PCOLCE2: variants seen among roughly 807,000 people sequenced by gnomAD.
PCOLCE2 encodes the protein procollagen C-proteinase enhancer 2.
A neutral mutation model predicts 47.0 loss-of-function variants in PCOLCE2; 42 were observed. The ratio of observed to expected loss-of-function variants is 0.89; its 90% CI spans 0.70 to 1.16. The LOEUF (loss-of-function observed/expected upper bound fraction) is 1.16, where lower values mean the gene tolerates loss of function less well. PCOLCE2 is among the 50% of genes most tolerant of loss of function. The pLI is 0.00. For synonymous variants in PCOLCE2, 169 were observed against 191.7 expected, an observed-to-expected ratio of 0.88 and a Z score of 0.98; for missense variants, 500 against 526.1, an observed-to-expected ratio of 0.95 and a Z score of 0.49.
In PCOLCE2 at chr3:142,887,669, T is replaced by C; in HGVS notation, c.192A>G (p.Thr64=). Residue 64 remains threonine (T), a splice_region_variant and synonymous_variant, in exon 2 of 9, where the codon ACA becomes ACG. Coordinates refer to ENST00000295992, the MANE Select transcript of PCOLCE2 (RefSeq NM_013363.4). ...PPNSKCTWKI[T]VPEGKVVVLN... ...GAATACCTTTTTAAAAAATGCTTAC[T>C]GTGATTTTCCAAGTACATTTGCTAT... 1 of 1,501,844 alleles carries C rather than the reference T, an allele frequency of 6.7e-7. No individual in the cohort carries two copies. Among genetic ancestry groups the C allele is most frequent in the Non-Finnish European group, 9.3e-7 (1 of 1,077,958 alleles). The allele number at this position is 1,501,844 out of a possible 1,614,324, so 93.0% of individuals were successfully genotyped here.
intron 5 of PCOLCE2, among the ~76,000 whole-genome samples, chr3:142,832,996 A>C (rs1937167081): frequency 6.6e-6 from 1 of 152,216 alleles, no homozygotes; most frequent in South Asian, 2.1e-4. Context: ...GTGATGCTCA[A>C]TAGCCGCCGC....
intron 7 of PCOLCE2, among the ~76,000 whole-genome samples, chr3:142,821,742 T>C (rs1937018079): frequency 6.6e-6 from 1 of 152,074 alleles, no homozygotes. Context: ...GTTGATTTTT[T>C]CATTATGTAA....
chr3:142,819,526 C>A (rs539964593), intron 8 of PCOLCE2, among the ~76,000 whole-genome samples: 174 of 152,290 alleles, frequency 1.1e-3, no homozygotes, highest in Non-Finnish European at 2.0e-3. Context: ...CCTGGCAGTT[C>A]TGGAAAGAAA....
chr3:142,841,330 T>C (rs1937262575), intron 4 of PCOLCE2, among the ~76,000 whole-genome samples: 2 of 152,130 alleles, frequency 1.3e-5, no homozygotes, highest in South Asian at 2.1e-4. Flanking sequence ...AAGAACTCAA[T>C]TGACAGAAGC....
In PCOLCE2 at chr3:142,820,944, G is replaced by C; in HGVS notation, c.1051C>G (p.Gln351Glu). ...IYKEGNLAIQ[Q>E]AGKNMSARLT... The stretch of plus-strand genomic sequence containing the variant: ...CTGGCACTCATGTTCTTGCCCGCCT[G>C]CTGAATCGCCAAATTTCCCTCTTTG... The change falls in exon 8 of 9, where the codon CAG (glutamine) becomes GAG (glutamate). Residue 351 changes from glutamine to glutamate, a missense_variant. By Grantham distance (29) the Gln-to-Glu change is conservative (BLOSUM62 2). Transcript: ENST00000295992. 1 of 1,614,082 alleles carries C rather than the reference G, an allele frequency of 6.2e-7. No individual in the cohort carries two copies. The highest frequency in any genetic ancestry group is 8.5e-7 in the Non-Finnish European group (1 of 1,179,982).
At position 142,817,909 on chromosome 3, in the gene PCOLCE2, A is replaced by G. The variant is rs555281992; in HGVS notation, c.*426T>C. ...ATATTTTATTAAGCATTGATTTAGA[A>G]AACGCAAGACAAGATTGTAACACCT... On this transcript the variant is annotated 3_prime_UTR_variant, in exon 9 of 9. Coordinates refer to ENST00000295992, the MANE Select transcript of PCOLCE2 (RefSeq NM_013363.4). 1.3e-5 allele frequency: 2 copies of G among 156,154 alleles called. No homozygotes were observed. Among genetic ancestry groups the G allele is most frequent in the African/African-American group, 4.8e-5 (2 of 41,598 alleles). 9.7% of individuals were successfully genotyped at this position (156,154 alleles called of 1,614,324 possible).
chr3:142,888,519 G>C (rs1685056659), intron 1 of PCOLCE2: 2 of 348,606 alleles, frequency 5.7e-6, no homozygotes, highest in African/African-American at 2.1e-5. Flanking sequence ...TAGACACGAG[G>C]AGAGGGGAGA....
At chr3:142,834,079 C>G (rs1336850114) in intron 5 of PCOLCE2, among the ~76,000 whole-genome samples, 2 of 152,172 alleles carry the variant, frequency 1.3e-5, no homozygotes, top group East Asian at 3.8e-4. Flanking sequence ...ACTGATGGTT[C>G]TCTGTGACGG....
In PCOLCE2 at chr3:142,827,992, G is replaced by A. The variant is rs528925201; in HGVS notation, c.865+1700C>T. Among the ~76,000 whole-genome samples the A allele has an allele frequency of 1.4e-4, 21 of 152,332 alleles. 1 individual carries two copies. The South Asian group carries it at 2.3e-3, about 17-fold the overall frequency. Reference sequence around the variant, plus strand: ...CTAGTCCAATGAATCACCAAGGCCTGTCACTGTTTCCCTCTCATCTCTTGA... The same window carrying A: ...CTAGTCCAATGAATCACCAAGGCCTATCACTGTTTCCCTCTCATCTCTTGA... On this transcript the variant is annotated intron_variant, in intron 6 of 8. Coordinates refer to ENST00000295992, the MANE Select transcript of PCOLCE2 (RefSeq NM_013363.4).
At chr3:142,869,566 C>G (rs936742822) in intron 2 of PCOLCE2, among the ~76,000 whole-genome samples, 3 of 152,138 alleles carry the variant, frequency 2.0e-5, no homozygotes, top group Admixed American at 6.5e-5. Context: ...ATAAAAAACA[C>G]AGTCTATCCT....
intron 2 of PCOLCE2, among the ~76,000 whole-genome samples, chr3:142,886,551 G>C (rs1933721196): frequency 6.6e-6 from 1 of 152,120 alleles, no homozygotes; most frequent in Non-Finnish European, 1.5e-5. Context: ...CATTTTACAA[G>C]AGGCCGTCAA....
At chr3:142,879,560 T>G (rs1043920345) in intron 2 of PCOLCE2, among the ~76,000 whole-genome samples, 3 of 152,208 alleles carry the variant, frequency 2.0e-5, no homozygotes, top group African/African-American at 7.2e-5. Context: ...CTTATTTATT[T>G]AGGATTTATA....
At chr3:142,877,722 C>A (rs573701757) in intron 2 of PCOLCE2, among the ~76,000 whole-genome samples, 1 of 152,326 alleles carries the variant, frequency 6.6e-6, no homozygotes, top group Non-Finnish European at 1.5e-5. Context: ...GCCCATTCTT[C>A]TAGTAACTGA....
intron 2 of PCOLCE2, among the ~76,000 whole-genome samples, chr3:142,873,895 T>A (rs1453267153): frequency 1.3e-5 from 2 of 151,998 alleles, no homozygotes; most frequent in Non-Finnish European, 2.9e-5. Context: ...TTCTACAGAG[T>A]ACAAAAACTT....
intron 2 of PCOLCE2, among the ~76,000 whole-genome samples, chr3:142,875,146 G>C (rs896321941): frequency 6.6e-6 from 1 of 152,126 alleles, no homozygotes; most frequent in Non-Finnish European, 1.5e-5. Context: ...GGCATCTCCT[G>C]GAGTAGCTGC....
At chr3:142,843,290 G>T in intron 3 of PCOLCE2, 1 of 576,382 alleles carries the variant, frequency 1.7e-6, no homozygotes, top group South Asian at 1.5e-5. Context: ...TGGACTCAGG[G>T]CCTCTTTTCT....
intron 2 of PCOLCE2, among the ~76,000 whole-genome samples, chr3:142,871,349 T>C (rs1404737350): frequency 1.3e-5 from 2 of 152,244 alleles, no homozygotes; most frequent in South Asian, 2.1e-4. Flanking sequence ...CAGCACAGTA[T>C]TCAGGGTGAT....
At chr3:142,831,151 A>C (rs1199728611) in intron 5 of PCOLCE2, among the ~76,000 whole-genome samples, 1 of 152,260 alleles carries the variant, frequency 6.6e-6, no homozygotes. Context: ...TTTAATGCCC[A>C]GTGGGGCAGT....
In PCOLCE2 at chr3:142,818,325, C is replaced by T. The variant is rs764170846; in HGVS notation, c.*10G>A. The stretch of plus-strand genomic sequence containing the variant: ...TGGCAGAATACAGCTTAAATGGACA[C>T]AGTTCACTGTTAACATTGCTTATTT... On this transcript the variant is annotated 3_prime_UTR_variant, in exon 9 of 9. Coordinates refer to ENST00000295992, the MANE Select transcript of PCOLCE2 (RefSeq NM_013363.4). The T allele has an allele frequency of 3.1e-6, 5 of 1,612,338 alleles. No homozygotes were observed. Among genetic ancestry groups the T allele is most frequent in the Non-Finnish European group, 4.2e-6 (5 of 1,178,632 alleles).
Sources: allele counts gnomAD v4.1 joint callset (sites outside exome capture counted in the v4.1 genomes callset), GRCh38; gene constraint gnomAD v4.1.1; transcripts MANE v1.5; gene names NCBI Gene and HGNC (gene_info 2026-07-23, HGNC 2026-07-21).